The following TUBGCP2 variants were observed in gnomAD, a reference collection of about 807,000 sequenced individuals.
TUBGCP2 encodes the protein tubulin gamma complex component 2.
Under a neutral mutation model 92.2 loss-of-function variants are expected in TUBGCP2, and 55 were observed. The observed-to-expected ratio is 0.60, with a 90% CI of 0.48 to 0.75. TUBGCP2 has a LOEUF of 0.75. Ranked by LOEUF, TUBGCP2 falls within the 30% of genes least tolerant of loss-of-function variation. The pLI, the probability that TUBGCP2 is intolerant of heterozygous loss-of-function variation, is 0.00. For synonymous variants in TUBGCP2, 533 were observed against 505.2 expected (o/e 1.06, Z -0.74); for missense variants, 1,093 against 1,188.9 (o/e 0.92, Z 1.19).
At chr10:133,288,769 AGCCCCAC>A in intron 10 of TUBGCP2, 64 bp downstream of exon 10, 1 of 1,470,838 alleles carries the variant, frequency 6.8e-7, no homozygotes, top group Non-Finnish European at 9.1e-7. Flanking sequence ...CAGCGATCTC[AGCCCCAC>A]GTCCCACAGG....
At position 133,281,164 on chromosome 10, in the gene TUBGCP2, G is replaced by A. The variant is rs561568781; in HGVS notation, c.2573+109C>T. On this transcript the variant is annotated intron_variant, in intron 17 of 17. Transcript: ENST00000252936. ...ACTGGGCCAGGGCGGTGTTGGGCAG[G>A]GGCAGGTGCTGGACTGAGCTGAGGA... The A allele has an allele frequency of 6.0e-5, 44 of 727,470 alleles. No individual in the cohort carries two copies. In the African/African-American group the frequency reaches 8.5e-4, roughly 14 times the overall value. The allele number at this position is 727,470 out of a possible 1,614,324, so 45.1% of individuals were successfully genotyped here. A position where few individuals can be genotyped will look rare whatever the true frequency, so the allele number is the denominator to read the frequency against.
upstream of TUBGCP2, chr10:133,310,136 G>A: frequency 6.2e-7 from 1 of 1,613,274 alleles, no homozygotes; most frequent in Non-Finnish European, 8.5e-7. Context: ...CCAGGGGTCA[G>A]AGGGAGGTGA....
rs776437695 is a variant in TUBGCP2 at position 133,298,055 on chromosome 10, G to C, written c.513C>G (p.Gly171=). 3.7e-6 allele frequency: 6 copies of C among 1,614,012 alleles called. No individual in the cohort carries two copies. In the South Asian group the frequency reaches 6.6e-5, roughly 18 times the overall value. ...LRDKQNKKNS[G]QHLPIFPAWV... Reference sequence around the variant, plus strand: ...ATGCTGGGAAGATGGGGAGGTGCTGGCCTGAATTTTTTTTGTTCTGCTTGT... The same window carrying C: ...ATGCTGGGAAGATGGGGAGGTGCTGCCCTGAATTTTTTTTGTTCTGCTTGT... The change falls in exon 5 of 18, where the codon GGC becomes GGG. Residue 171 remains glycine, a synonymous_variant. Transcript: ENST00000252936.
upstream of TUBGCP2, chr10:133,310,133 T>C (rs2136152215): frequency 6.2e-7 from 1 of 1,612,476 alleles, no homozygotes; most frequent in East Asian, 2.2e-5. Flanking sequence ...GGGCCAGGGG[T>C]CAGAGGGAGG....
Position 133,281,258 on chromosome 10 carries a change from G to A in TUBGCP2, c.2573+15C>T. 1 of 1,607,812 alleles carries A rather than the reference G, an allele frequency of 6.2e-7. No homozygotes were observed. Among genetic ancestry groups the A allele is most frequent in the Non-Finnish European group, 8.5e-7 (1 of 1,179,498 alleles). On this transcript the variant is annotated intron_variant, in intron 17 of 17. Transcript: ENST00000252936. Reference sequence around the variant, plus strand: ...TGAGCTGAGGAAGGGCTGAGCCGGGGTGGCGCCCACCCACCTGGAGATGAC... The same window carrying A: ...TGAGCTGAGGAAGGGCTGAGCCGGGATGGCGCCCACCCACCTGGAGATGAC...
In TUBGCP2 at chr10:133,298,001, C is replaced by T; in HGVS notation, c.567G>A (p.Gly189=). ...TGATGCCAGCACCAATCAGGAAATC[C>T]CCGATCAGGGCAGGTCTCTCATACA... ...AWVYERPALI[G]DFLIGAGIST... Residue 189 remains glycine (G), a synonymous_variant, in exon 5 of 18, where the codon GGG becomes GGA. Coordinates refer to ENST00000252936, the MANE Select transcript of TUBGCP2 (RefSeq NM_006659.4). 1 of 1,613,986 alleles carries T rather than the reference C, an allele frequency of 6.2e-7. No individual in the cohort carries two copies. The highest frequency in any genetic ancestry group is 8.5e-7 in the Non-Finnish European group (1 of 1,179,944).
upstream of TUBGCP2, chr10:133,311,715 G>A (rs1315180294): frequency 1.2e-6 from 2 of 1,611,694 alleles, no homozygotes; most frequent in South Asian, 2.2e-5. Context: ...TCTCCCCGCA[G>A]CCCAGCCTCA....
rs775915393 is a variant in TUBGCP2, at chr10:133,279,802, C to T, written c.2673G>A (p.Pro891=). Residue 891 remains proline, a synonymous_variant, in exon 18 of 18, where the codon CCG becomes CCA. Transcript: ENST00000252936. ...TPQVPVLRGP[P]APAPRVAVTA... ...TGACTGCGACCCTGGGTGCAGGAGC[C>T]GGGGGCCCCCGCAGGACAGGCACTT... The T allele has an allele frequency of 9.5e-6, 15 of 1,572,814 alleles. No homozygotes were observed. The highest frequency in any genetic ancestry group is 1.9e-5 in the Admixed American group (1 of 53,666).
intron 4 of TUBGCP2, among the ~76,000 whole-genome samples, chr10:133,298,536 C>A (rs1000476771): frequency 1.3e-5 from 2 of 152,258 alleles, no homozygotes; most frequent in African/African-American, 4.8e-5. Flanking sequence ...AACAGACATG[C>A]ATCCTTACCC....
chr10:133,279,697 G>A lies in TUBGCP2; in HGVS notation c.*69C>T. On this transcript the variant is annotated 3_prime_UTR_variant, in exon 18 of 18. Transcript: ENST00000252936. Reference sequence around the variant, plus strand: ...AGACAGAACACAGAGCATTCGATTTGAAAATTCTGGACCCATTTGCACCAG... The same window carrying A: ...AGACAGAACACAGAGCATTCGATTTAAAAATTCTGGACCCATTTGCACCAG... 1.4e-6 allele frequency: 2 copies of A among 1,473,306 alleles called. No homozygotes were observed. The highest frequency in any genetic ancestry group is 1.8e-6 in the Non-Finnish European group (2 of 1,110,608). 91.3% of individuals were successfully genotyped at this position (1,473,306 alleles called of 1,614,324 possible).
At chr10:133,299,739 A>G in intron 3 of TUBGCP2, 136 bp from the exon 4 acceptor site, 1 of 880,532 alleles carries the variant, frequency 1.1e-6, no homozygotes, top group Admixed American at 2.6e-5. Context: ...CGCGTGCGAC[A>G]GGCAGGAACT....
intron 6 of TUBGCP2, 117 bp from the exon 7 acceptor site, chr10:133,293,355 C>T: frequency 9.2e-6 from 12 of 1,303,804 alleles, no homozygotes; most frequent in Non-Finnish European, 1.3e-5. Context: ...CCCCACATCC[C>T]AGAGGGGAAC....
At chr10:133,291,893 T>C (rs373676816) in intron 8 of TUBGCP2, among the ~76,000 whole-genome samples, 493 of 2,168 alleles carry the variant, frequency 0.23, 111 homozygotes, top group Middle Eastern at 0.5. Context: ...GAGGGCAGCA[T>C]GCACCGTCCG....
intron 16 of TUBGCP2, 48 bp downstream of exon 16, chr10:133,282,175 C>A: frequency 6.2e-7 from 1 of 1,609,338 alleles, no homozygotes; most frequent in South Asian, 1.1e-5. Context: ...GGCTGCCGCC[C>A]AGCCGGGAGG....
chr10:133,311,792 G>C, upstream of TUBGCP2: 2 of 1,613,576 alleles, frequency 1.2e-6, no homozygotes, highest in Middle Eastern at 1.6e-4. Context: ...CTCTGAGCCT[G>C]TGGCAGCCTC....
chr10:133,309,173 G>A, upstream of TUBGCP2: 1 of 1,372,616 alleles, frequency 7.3e-7, no homozygotes, highest in Non-Finnish European at 9.5e-7. Context: ...CCGGAGCCTG[G>A]AGTGGGAGGG....
At chr10:133,309,026 C>A, upstream of TUBGCP2, 1 of 1,262,554 alleles carries the variant, frequency 7.9e-7, no homozygotes, top group Non-Finnish European at 1.0e-6. Flanking sequence ...CGGGATCCCG[C>A]GGCTGGGGCC....
At chr10:133,289,053 C>T in intron 9 of TUBGCP2, 33 bp from the exon 10 acceptor site, 1 of 1,594,506 alleles carries the variant, frequency 6.3e-7, no homozygotes, top group Non-Finnish European at 8.6e-7. Flanking sequence ...TTTTATTCTC[C>T]ACATGGTCGA....
At chr10:133,297,278 G>C in intron 5 of TUBGCP2, 1 of 340,020 alleles carries the variant, frequency 2.9e-6, no homozygotes, top group South Asian at 2.2e-5. Context: ...GGCGCCTGCA[G>C]TCCCAGCTAC....
Sources: allele counts gnomAD v4.1 joint callset (sites outside exome capture counted in the v4.1 genomes callset), GRCh38; gene constraint gnomAD v4.1.1; transcripts MANE v1.5; gene names NCBI Gene and HGNC (gene_info 2026-07-23, HGNC 2026-07-21).